PTPRD: variants seen among roughly 807,000 people sequenced by gnomAD.
PTPRD encodes the protein receptor-type tyrosine-protein phosphatase delta.
In PTPRD, 34 loss-of-function variants were observed where a neutral mutation model predicts 214.5. The observed-to-expected ratio is 0.16, with a 90% CI of 0.12 to 0.21. PTPRD has a LOEUF of 0.21. Ranked by LOEUF, PTPRD falls within the 10% of genes least tolerant of loss-of-function variation. PTPRD has a pLI of 1.00. For missense variants in PTPRD, 2,545 were observed against 2,398.7 expected, an observed-to-expected ratio of 1.06 and a Z score of -1.27; for synonymous variants, 1,128 against 845.7, an observed-to-expected ratio of 1.33 and a Z score of -5.79.
intron 2 of PTPRD, among the ~76,000 whole-genome samples, chr9:10,543,086 C>T (rs976441007): frequency 7.9e-5 from 12 of 150,944 alleles, no homozygotes; most frequent in African/African-American, 2.2e-4. Flanking sequence ...GGCTTATCCA[C>T]GTTGGTCGCA....
chr9:9,742,299 A>T (rs1596479189), intron 6 of PTPRD, among the ~76,000 whole-genome samples: 1 of 152,310 alleles, frequency 6.6e-6, no homozygotes, highest in South Asian at 2.1e-4. Context: ...GGGACCAAGA[A>T]CAAGATTGTC....
At chr9:9,178,560 A>G (rs190187481) in intron 10 of PTPRD, among the ~76,000 whole-genome samples, 60 of 152,150 alleles carry the variant, frequency 3.9e-4, no homozygotes, top group Middle Eastern at 3.4e-3. Context: ...TTTTAGTTCT[A>G]ATATTCTCTG....
At chr9:9,090,809 A>C in intron 10 of PTPRD, 1 of 709,002 alleles carries the variant, frequency 1.4e-6, no homozygotes, top group Admixed American at 2.0e-5. Context: ...AATAACTCTT[A>C]ATGACATCTC....
intron 11 of PTPRD, among the ~76,000 whole-genome samples, chr9:8,821,773 C>G (rs545981208): frequency 1.5e-4 from 23 of 152,200 alleles, no homozygotes; most frequent in Non-Finnish European, 1.9e-4. Context: ...TCAAGCAATT[C>G]TCTGCCTCAG....
intron 2 of PTPRD, among the ~76,000 whole-genome samples, chr9:10,389,874 G>T (rs1429019235): frequency 2.6e-5 from 4 of 151,596 alleles, no homozygotes; most frequent in African/African-American, 7.3e-5. Flanking sequence ...GACTTTGAAG[G>T]CACCTTTAGA....
At chr9:8,419,248 A>AG in intron 35 of PTPRD, among the ~76,000 whole-genome samples, 1 of 151,468 alleles carries the variant, frequency 6.6e-6, no homozygotes, top group African/African-American at 2.4e-5. Context: ...AAAAAAAAAA[A>AG]AAGAAAAGAA....
intron 5 of PTPRD, among the ~76,000 whole-genome samples, chr9:9,822,593 TGTTA>T (rs958993989): frequency 2.7e-5 from 4 of 150,832 alleles, no homozygotes; most frequent in Non-Finnish European, 5.9e-5. Flanking sequence ...CCTTTCTTCT[TGTTA>T]AATTATTTGT....
At position 9,692,481 on chromosome 9, in the gene PTPRD, T is replaced by A. The variant is rs150477068; in HGVS notation, c.-287+42052A>T. On this transcript the variant is annotated intron_variant, in intron 7 of 45. Coordinates refer to ENST00000381196, the MANE Select transcript of PTPRD (RefSeq NM_002839.4). ...TGGGTTGTCTATTCTATTCCATTAG[T>A]TTATGTGTCTGTTTTTATGCCAGTA... Among the ~76,000 whole-genome samples the A allele has an allele frequency of 1.7e-3, 262 of 152,100 alleles. 2 individuals carry two copies. Among genetic ancestry groups the A allele is most frequent in the African/African-American group, 6.1e-3 (253 of 41,452 alleles).
chr9:9,610,655 G>C (rs1174404785), intron 7 of PTPRD, among the ~76,000 whole-genome samples: 3 of 152,094 alleles, frequency 2.0e-5, no homozygotes, highest in Non-Finnish European at 2.9e-5. Flanking sequence ...AAGGATGAAA[G>C]ATGACAATTA....
chr9:10,557,350 G>A (rs1004061135), intron 2 of PTPRD, among the ~76,000 whole-genome samples: 2 of 152,038 alleles, frequency 1.3e-5, no homozygotes, highest in African/African-American at 2.4e-5. Flanking sequence ...CAGAGAGAGT[G>A]AATACCTGTC....
chr9:10,380,651 T>C (rs1488886425), intron 2 of PTPRD, among the ~76,000 whole-genome samples: 2 of 152,064 alleles, frequency 1.3e-5, no homozygotes, highest in Non-Finnish European at 2.9e-5. Context: ...GAGGCATTAG[T>C]GGAGTATTCT....
chr9:8,902,927 G>A (rs184680150), intron 11 of PTPRD, among the ~76,000 whole-genome samples: 1 of 152,198 alleles, frequency 6.6e-6, no homozygotes, highest in Non-Finnish European at 1.5e-5. Context: ...GGGCTTAGGT[G>A]CTTTATTGTT....
chr9:9,402,376 T>C (rs1386894428), intron 8 of PTPRD, among the ~76,000 whole-genome samples: 1 of 152,124 alleles, frequency 6.6e-6, no homozygotes, highest in African/African-American at 2.4e-5. Flanking sequence ...CTGTCACAAA[T>C]GTTTCAGGTT....
At position 9,404,185 on chromosome 9, in the gene PTPRD, C is replaced by T. The variant is rs147577393; in HGVS notation, c.-236-6703G>A. On this transcript the variant is annotated intron_variant, in intron 8 of 45. Transcript: ENST00000381196. ...GTGCCAAGAAATTTGGGTTTATATT[C>T]CAAGGGCAATGCAAAGTCATTGGAG... Among the ~76,000 whole-genome samples, 493 of 152,092 alleles carry T rather than the reference C, an allele frequency of 3.2e-3. 4 individuals are homozygous for T. Among genetic ancestry groups the T allele is most frequent in the Admixed American group, 5.8e-3 (88 of 15,254 alleles).
At chr9:8,466,578 T>A (rs2096548129) in intron 31 of PTPRD, among the ~76,000 whole-genome samples, 1 of 152,060 alleles carries the variant, frequency 6.6e-6, no homozygotes, top group South Asian at 2.1e-4. Flanking sequence ...CTTCTCCAAT[T>A]AAAATTGGTA....
At chr9:9,316,792 G>C (rs949791090) in intron 9 of PTPRD, among the ~76,000 whole-genome samples, 1 of 152,230 alleles carries the variant, frequency 6.6e-6, no homozygotes, top group East Asian at 1.9e-4. Flanking sequence ...TATTGTCATC[G>C]TATGGTAAAT....
intron 5 of PTPRD, among the ~76,000 whole-genome samples, chr9:9,878,670 A>C (rs1356379092): frequency 6.6e-6 from 1 of 152,178 alleles, no homozygotes; most frequent in Non-Finnish European, 1.5e-5. Context: ...TTCAAATAGC[A>C]TTGTTAGAAT....
At chr9:10,446,455 T>C (rs114447821) in intron 2 of PTPRD, among the ~76,000 whole-genome samples, 1,842 of 145,872 alleles carry the variant, frequency 0.013, 34 homozygotes, top group African/African-American at 0.043. Context: ...TGACAACCAT[T>C]GCACAGCTAA....
intron 3 of PTPRD, among the ~76,000 whole-genome samples, chr9:10,167,225 T>A (rs903816971): frequency 6.6e-6 from 1 of 151,552 alleles, no homozygotes; most frequent in Non-Finnish European, 1.5e-5. Context: ...TTGTAGAGAG[T>A]CTTCTCTAGT....
Sources: gnomAD v4.1 joint callset for allele counts (sites outside exome capture counted in the v4.1 genomes callset) on GRCh38, gnomAD v4.1.1 for gene constraint, MANE v1.5 for transcripts, NCBI Gene and HGNC (gene_info 2026-07-23, HGNC 2026-07-21) for gene names.